Variants in ANXA3 observed in about 807,000 individuals in gnomAD.
The protein encoded by ANXA3 is annexin A3.
ANXA3 carries 46 observed loss-of-function variants against 48.8 expected under a neutral mutation model. That is an observed-to-expected ratio of 0.94 (90% CI 0.74 to 1.21). The LOEUF is 1.21. Ranked by LOEUF, ANXA3 falls within the 50% of genes most tolerant of loss-of-function variation. ANXA3 has a pLI of 0.00. For synonymous variants in ANXA3, 128 were observed against 134.7 expected (o/e 0.95, Z 0.35); for missense variants, 383 against 378.6 (o/e 1.01, Z -0.10).
At chr4:78,588,736 A>G (rs1723229150) in intron 6 of ANXA3, among the ~76,000 whole-genome samples, 1 of 152,144 alleles carries the variant, frequency 6.6e-6, no homozygotes, top group South Asian at 2.1e-4. Flanking sequence ...GTTGACACTG[A>G]CATGACTAGC....
chr4:78,605,899 A>G (rs1723637297), intron 12 of ANXA3, among the ~76,000 whole-genome samples: 1 of 152,278 alleles, frequency 6.6e-6, no homozygotes, highest in Non-Finnish European at 1.5e-5. Context: ...GCAACTAGTT[A>G]GTGGAGAACT....
rs775514853 is a variant in ANXA3, at chr4:78,595,816, A to T, written c.563A>T (p.Asn188Ile). The T allele has an allele frequency of 1.3e-5, 21 of 1,610,922 alleles. No homozygotes were observed. The highest frequency in any genetic ancestry group is 1.8e-5 in the Non-Finnish European group (21 of 1,177,170). The change falls in exon 9 of 13, where the codon AAC (asparagine) becomes ATC (isoleucine). Residue 188 changes from asparagine (N) to isoleucine (I), a missense_variant. Physicochemically the swap from Asn to Ile is moderately radical, Grantham distance 149. Transcript: ENST00000264908. ...DAQILYKAGE[N>I]RWGTDEDKFT... ...TAGATTCTCTATAAAGCTGGTGAGA[A>T]CAGATGGGGCACGGATGAAGACAAA...
chr4:78,568,937 A>T (rs201558415), intron 2 of ANXA3, among the ~76,000 whole-genome samples: 4 of 152,388 alleles, frequency 2.6e-5, no homozygotes, highest in Middle Eastern at 3.4e-3. Context: ...TGGCTGTGGG[A>T]ACTTAGACAA....
chr4:78,594,159 TCAGG>T (rs139133823), intron 7 of ANXA3, among the ~76,000 whole-genome samples: 11,229 of 152,150 alleles, frequency 0.074, 1,317 homozygotes, highest in African/African-American at 0.25. Flanking sequence ...CGTAGCCATT[TCAGG>T]CAGGCTGGCT....
intron 3 of ANXA3, among the ~76,000 whole-genome samples, chr4:78,578,487 C>T (rs111303787): frequency 6.6e-6 from 1 of 152,122 alleles, no homozygotes; most frequent in African/African-American, 2.4e-5. Flanking sequence ...CAACTTCTTG[C>T]TGGACCACTC....
At chr4:78,559,641 C>T (rs938469962) in intron 2 of ANXA3, among the ~76,000 whole-genome samples, 5 of 152,176 alleles carry the variant, frequency 3.3e-5, no homozygotes, top group East Asian at 1.9e-4. Flanking sequence ...GTACCTAGTG[C>T]GACAGGCTCT....
chr4:78,559,819 G>T (rs900185345), intron 2 of ANXA3, among the ~76,000 whole-genome samples: 13 of 152,214 alleles, frequency 8.5e-5, no homozygotes, highest in Non-Finnish European at 2.9e-5. Flanking sequence ...TCTACGGTTT[G>T]TAAGCATTAA....
At chr4:78,578,000 C>G (rs545186646) in intron 3 of ANXA3, among the ~76,000 whole-genome samples, 1 of 151,840 alleles carries the variant, frequency 6.6e-6, no homozygotes. Flanking sequence ...TGAGAGAGGC[C>G]GGGTACGGTG....
intron 7 of ANXA3, among the ~76,000 whole-genome samples, chr4:78,593,356 C>A (rs940174628): frequency 3.9e-5 from 6 of 152,004 alleles, no homozygotes; most frequent in Admixed American, 3.3e-4. Context: ...GCACACGCCA[C>A]CACACCCGGC....
chr4:78,576,027 T>C (rs933048503), intron 3 of ANXA3, among the ~76,000 whole-genome samples: 9 of 152,174 alleles, frequency 5.9e-5, no homozygotes, highest in Non-Finnish European at 1.2e-4. Flanking sequence ...TATGCTTCCC[T>C]ATTTTTCTCT....
chr4:78,585,785 G>A (rs1334792451), intron 5 of ANXA3, among the ~76,000 whole-genome samples: 3 of 152,154 alleles, frequency 2.0e-5, no homozygotes, highest in Admixed American at 2.0e-4. Flanking sequence ...GAGGTAATTA[G>A]TCCCCATGCC....
chr4:78,589,731 C>T (rs927878213), intron 6 of ANXA3, among the ~76,000 whole-genome samples: 4 of 152,126 alleles, frequency 2.6e-5, no homozygotes, highest in Non-Finnish European at 4.4e-5. Context: ...CTGTGTCACT[C>T]GCTCCCTAAG....
At chr4:78,592,923 A>C (rs949314732) in intron 7 of ANXA3, among the ~76,000 whole-genome samples, 1 of 152,200 alleles carries the variant, frequency 6.6e-6, no homozygotes, top group Non-Finnish European at 1.5e-5. Context: ...CACAGAAAAG[A>C]AACCAGGCAA....
At chr4:78,580,122 A>C (rs1161674381) in intron 4 of ANXA3, among the ~76,000 whole-genome samples, 1 of 152,234 alleles carries the variant, frequency 6.6e-6, no homozygotes, top group Non-Finnish European at 1.5e-5. Flanking sequence ...CAAGTAAATA[A>C]AAATAATTCA....
intron 2 of ANXA3, among the ~76,000 whole-genome samples, chr4:78,558,579 T>C (rs1496592): frequency 0.69 from 104,641 of 152,194 alleles, 37,972 homozygotes; most frequent in East Asian, 0.88. Context: ...GCAATTTCAA[T>C]GCATTACCAT....
intron 12 of ANXA3, among the ~76,000 whole-genome samples, chr4:78,607,941 G>C (rs1723684823): frequency 6.6e-6 from 1 of 152,148 alleles, no homozygotes; most frequent in South Asian, 2.1e-4. Context: ...AAGCAAGAGG[G>C]AAAGAAGTAA....
intron 2 of ANXA3, among the ~76,000 whole-genome samples, chr4:78,570,860 G>A (rs1172951682): frequency 6.6e-6 from 1 of 152,114 alleles, no homozygotes; most frequent in African/African-American, 2.4e-5. Flanking sequence ...ACTGGAAGGT[G>A]GACAGGTAAG....
chr4:78,560,573 A>T (rs143055905), intron 2 of ANXA3, among the ~76,000 whole-genome samples: 1 of 152,332 alleles, frequency 6.6e-6, no homozygotes, highest in East Asian at 1.9e-4. Flanking sequence ...AGTGTCCAGA[A>T]TTGTAATTGG....
intron 11 of ANXA3, chr4:78,603,726 G>A (rs1176065671): frequency 2.0e-5 from 3 of 152,198 alleles, no homozygotes; most frequent in Non-Finnish European, 4.4e-5. Flanking sequence ...GGTTAACAAG[G>A]TCTGGCCTTT....
Sources: gnomAD v4.1 joint callset for allele counts (sites outside exome capture counted in the v4.1 genomes callset) on GRCh38, gnomAD v4.1.1 for gene constraint, MANE v1.5 for transcripts, NCBI Gene and HGNC (gene_info 2026-07-23, HGNC 2026-07-21) for gene names.